Variants in LMBR1 observed in about 807,000 individuals in gnomAD.
LMBR1 encodes the protein limb development membrane protein 1.
A neutral mutation model predicts 73.9 loss-of-function variants in LMBR1; 52 were observed. The ratio of observed to expected loss-of-function variants is 0.70; its 90% CI spans 0.56 to 0.89. LMBR1 has a LOEUF of 0.89. LMBR1 is among the 40% of genes least tolerant of loss of function. The probability of loss-of-function intolerance (pLI) is 0.00; values close to 1 mark genes in which losing one functional copy is unlikely to be tolerated. For synonymous variants in LMBR1, 215 were observed against 209.4 expected, an observed-to-expected ratio of 1.03 and a Z score of -0.23; for missense variants, 539 against 579.8, an observed-to-expected ratio of 0.93 and a Z score of 0.72.
intron 1 of LMBR1, among the ~76,000 whole-genome samples, chr7:156,884,898 A>C (rs1290839817): frequency 6.6e-6 from 1 of 152,226 alleles, no homozygotes. Flanking sequence ...ATAAAGGGTA[A>C]GCCATAGAGT....
intron 15 of LMBR1, among the ~76,000 whole-genome samples, chr7:156,721,182 A>T (rs1814483073): frequency 6.6e-6 from 1 of 152,116 alleles, no homozygotes; most frequent in South Asian, 2.1e-4. Flanking sequence ...TACAAATTAT[A>T]GAAAGAGCTT....
intron 1 of LMBR1, among the ~76,000 whole-genome samples, chr7:156,847,759 A>AC (rs1161470862): frequency 6.6e-6 from 1 of 152,202 alleles, no homozygotes; most frequent in Non-Finnish European, 1.5e-5. Context: ...GAATACGAAC[A>AC]CCACCAAATG....
At chr7:156,725,914 A>C (rs1815654536) in intron 12 of LMBR1, 77 bp from the exon 13 acceptor site, 3 of 1,085,318 alleles carry the variant, frequency 2.8e-6, no homozygotes, top group Non-Finnish European at 4.1e-6. Flanking sequence ...TGTTTCATAA[A>C]ATAAGACAGT....
chr7:156,787,824 T>G (rs545453377), intron 5 of LMBR1, among the ~76,000 whole-genome samples: 202 of 152,358 alleles, frequency 1.3e-3, no homozygotes, highest in African/African-American at 4.3e-3. Context: ...TCGCCCAGGC[T>G]GGAGTGCAAC....
At chr7:156,736,494 T>G in intron 9 of LMBR1, 1 of 456,604 alleles carries the variant, frequency 2.2e-6, no homozygotes. Context: ...AACACATACG[T>G]GGGTTTGCTA....
At chr7:156,743,402 G>A (rs1000418961) in intron 9 of LMBR1, among the ~76,000 whole-genome samples, 3 of 152,074 alleles carry the variant, frequency 2.0e-5, no homozygotes, top group African/African-American at 7.2e-5. Context: ...CCGTAAAAGG[G>A]GGTGTATCTA....
At chr7:156,721,162 C>A (rs2132325310) in intron 15 of LMBR1, among the ~76,000 whole-genome samples, 1 of 151,998 alleles carries the variant, frequency 6.6e-6, no homozygotes, top group African/African-American at 2.4e-5. Flanking sequence ...TATTTGGACA[C>A]TAAATAACTT....
intron 9 of LMBR1, among the ~76,000 whole-genome samples, chr7:156,751,859 AT>A (rs1319428242): frequency 6.6e-6 from 1 of 152,220 alleles, no homozygotes; most frequent in Non-Finnish European, 1.5e-5. Flanking sequence ...TAAGATGCCT[AT>A]TGGACATCCA....
chr7:156,754,477 C>T (rs997047381), intron 9 of LMBR1, among the ~76,000 whole-genome samples: 11 of 152,156 alleles, frequency 7.2e-5, no homozygotes, highest in African/African-American at 2.7e-4. Flanking sequence ...CCAAAGATTT[C>T]TGCAATGCAC....
chr7:156,693,344 T>C (rs542379940), intron 15 of LMBR1, among the ~76,000 whole-genome samples: 4 of 149,614 alleles, frequency 2.7e-5, no homozygotes, highest in South Asian at 2.1e-4. Context: ...TTAGAAAATA[T>C]AGAAACATTA....
intron 15 of LMBR1, among the ~76,000 whole-genome samples, chr7:156,693,475 T>C (rs1187236514): frequency 2.0e-5 from 3 of 151,966 alleles, no homozygotes; most frequent in Admixed American, 6.6e-5. Context: ...TTCCAACAAA[T>C]GACACAAATA....
chr7:156,683,987 G>T lies in LMBR1; in HGVS notation c.*91C>A. 2.8e-6 allele frequency: 3 copies of T among 1,055,570 alleles called. No individual in the cohort carries two copies. Among genetic ancestry groups the T allele is most frequent in the South Asian group, 2.6e-5 (2 of 75,508 alleles). The allele number at this position is 1,055,570 out of a possible 1,614,324, so 65.4% of individuals were successfully genotyped here. A position where few individuals can be genotyped will look rare whatever the true frequency, so the allele number is the denominator to read the frequency against. On this transcript the variant is annotated 3_prime_UTR_variant, in exon 17 of 17. Coordinates refer to ENST00000353442, the MANE Select transcript of LMBR1 (RefSeq NM_022458.4). The stretch of plus-strand genomic sequence containing the variant: ...GGTCTAGGTTCTGAAGAGGGGCCAC[G>T]GTTGAATGGAAATGCTTCTACATGG...
chr7:156,762,712 T>C (rs1207670179), intron 7 of LMBR1, among the ~76,000 whole-genome samples: 2 of 152,158 alleles, frequency 1.3e-5, no homozygotes, highest in African/African-American at 2.4e-5. Flanking sequence ...ACCATTTCCA[T>C]TTAAAAGTAG....
chr7:156,720,427 C>A (rs899183301), intron 15 of LMBR1, among the ~76,000 whole-genome samples: 8 of 152,054 alleles, frequency 5.3e-5, no homozygotes, highest in African/African-American at 1.7e-4. Context: ...GGGCTGTTTG[C>A]CCTGAAAGAA....
chr7:156,880,675 C>T (rs538858912), intron 1 of LMBR1, among the ~76,000 whole-genome samples: 57 of 151,826 alleles, frequency 3.8e-4, no homozygotes, highest in African/African-American at 1.2e-3. Flanking sequence ...TTTTCTGAGA[C>T]GGAGTCTCAC....
intron 5 of LMBR1, among the ~76,000 whole-genome samples, chr7:156,768,417 T>C (rs1480574196): frequency 6.6e-6 from 1 of 152,164 alleles, no homozygotes; most frequent in Non-Finnish European, 1.5e-5. Context: ...TTCATTATAT[T>C]TAGCATGTTT....
downstream of LMBR1, chr7:156,676,944 T>A: frequency 2.9e-6 from 1 of 349,820 alleles, no homozygotes. Context: ...AAGATATAGC[T>A]AGTGTCTGAA....
intron 16 of LMBR1, among the ~76,000 whole-genome samples, chr7:156,687,149 T>C (rs757528413): frequency 6.6e-6 from 1 of 152,236 alleles, no homozygotes; most frequent in Non-Finnish European, 1.5e-5. Context: ...GTTTAAGTTA[T>C]CTGAAAACTG....
At chr7:156,857,529 C>T (rs974349399) in intron 1 of LMBR1, among the ~76,000 whole-genome samples, 1 of 152,168 alleles carries the variant, frequency 6.6e-6, no homozygotes, top group Non-Finnish European at 1.5e-5. Context: ...ATCCTTCTAT[C>T]AGTAATTGGC....
Sources: allele counts gnomAD v4.1 joint callset (sites outside exome capture counted in the v4.1 genomes callset), GRCh38; gene constraint gnomAD v4.1.1; transcripts MANE v1.5; gene names NCBI Gene and HGNC (gene_info 2026-07-23, HGNC 2026-07-21).